CSMD2: variants seen among roughly 807,000 people sequenced by gnomAD.
The protein encoded by CSMD2 is CUB and sushi domain-containing protein 2.
CSMD2 carries 130 observed loss-of-function variants against 398.5 expected under a neutral mutation model. That is an observed-to-expected ratio of 0.33 (90% CI 0.28 to 0.38). The LOEUF is 0.38. Ranked by LOEUF, CSMD2 falls within the 10% of genes least tolerant of loss-of-function variation. CSMD2 has a pLI of 1.00. For synonymous variants in CSMD2, 1,828 were observed against 1,908.5 expected (o/e 0.96, Z 1.10); for missense variants, 3,829 against 4,764.9 (o/e 0.80, Z 5.78).
intron 9 of CSMD2, among the ~76,000 whole-genome samples, chr1:33,811,768 T>A (rs1288393482): frequency 6.6e-6 from 1 of 152,238 alleles, no homozygotes; most frequent in Non-Finnish European, 1.5e-5. Flanking sequence ...TAAAAATGTG[T>A]GCTTAGTTCT....
chr1:33,684,985 A>T (rs1645020693), intron 25 of CSMD2, among the ~76,000 whole-genome samples: 1 of 152,276 alleles, frequency 6.6e-6, no homozygotes, highest in South Asian at 2.1e-4. Context: ...AAAGCAAAGC[A>T]AAATTGATTT....
intron 3 of CSMD2, among the ~76,000 whole-genome samples, chr1:34,031,902 G>T (rs1190039744): frequency 6.6e-6 from 1 of 151,870 alleles, no homozygotes; most frequent in Non-Finnish European, 1.5e-5. Context: ...TAACAGTGCA[G>T]GTCTTAGCCA....
chr1:33,833,157 C>T (rs1459995012), intron 6 of CSMD2, among the ~76,000 whole-genome samples: 25 of 55,374 alleles, frequency 4.5e-4, no homozygotes, highest in South Asian at 1.2e-3. Flanking sequence ...TTTATGAGGC[C>T]GCCTCATACC....
chr1:33,919,506 T>A (rs990369443), intron 4 of CSMD2, among the ~76,000 whole-genome samples: 1 of 152,250 alleles, frequency 6.6e-6, no homozygotes, highest in Non-Finnish European at 1.5e-5. Flanking sequence ...CATTTCTCAA[T>A]GCTAACTTCT....
At chr1:34,102,553 T>C (rs2148415251) in intron 1 of CSMD2, among the ~76,000 whole-genome samples, 1 of 151,974 alleles carries the variant, frequency 6.6e-6, no homozygotes, top group Non-Finnish European at 1.5e-5. Flanking sequence ...CTCATCCCTG[T>C]GATCCAACCA....
Position 34,011,413 on chromosome 1 carries a change from G to A in CSMD2, c.517+21181C>T, listed in dbSNP as rs568618614. Among the ~76,000 whole-genome samples the A allele has an allele frequency of 1.4e-4, 21 of 152,256 alleles. No individual in the cohort carries two copies. The South Asian group carries it at 3.1e-3, about 23-fold the overall frequency. ...CCATTTGCTCTGAGGTGAGGTAAACGTTGCAGTGTTTCCATCAAGATGGGA... is the reference window on the plus strand; with the variant it reads ...CCATTTGCTCTGAGGTGAGGTAAACATTGCAGTGTTTCCATCAAGATGGGA... On this transcript the variant is annotated intron_variant, in intron 3 of 70. Transcript: ENST00000373381.
In CSMD2 at chr1:34,164,811, G is replaced by C. The variant is rs1451589411; in HGVS notation, c.187+100C>G. ...AGGGTGGGAGATTCAGGCAGGGATA[G>C]AGGCGGGGGGAGGGACTGGGACCGG... is the stretch of plus-strand genomic sequence containing the variant. On this transcript the variant is annotated intron_variant, in intron 1 of 70. Transcript: ENST00000373381. The surrounding 1 kb of genome is among the most constrained non-coding windows in gnomAD (Gnocchi z 6.2). 2.9e-6 allele frequency: 3 copies of C among 1,029,716 alleles called. No individual in the cohort carries two copies. Among genetic ancestry groups the C allele is most frequent in the African/African-American group, 3.4e-5 (2 of 58,876 alleles). The allele number at this position is 1,029,716 out of a possible 1,614,324, so 63.8% of individuals were successfully genotyped here. A position where few individuals can be genotyped will look rare whatever the true frequency, so the allele number is the denominator to read the frequency against.
chr1:33,658,104 A>G lies in CSMD2; in HGVS notation c.4289T>C (p.Ile1430Thr). 6.2e-7 allele frequency: 1 copy of G among 1,614,116 alleles called. No homozygotes were observed. The highest frequency in any genetic ancestry group is 2.2e-5 in the East Asian group (1 of 44,886). ...ACCACTCCGACTCCCATTCTGCGGGATCCCAGGGTCATTGCAGGACGTTGC... is the reference window on the plus strand; with the variant it reads ...ACCACTCCGACTCCCATTCTGCGGGGTCCCAGGGTCATTGCAGGACGTTGC... ...STATSCNDPGIPQNGSRSGDS... is the reference protein window; with the variant it reads ...STATSCNDPGTPQNGSRSGDS... The change falls in exon 27 of 71, where the codon ATC (isoleucine) becomes ACC (threonine). Residue 1430 changes from isoleucine (I) to threonine (T), a missense_variant. By Grantham distance (89) the Ile-to-Thr change is moderately conservative. Transcript: ENST00000373381.
At chr1:33,858,954 G>T (rs1558013152) in intron 5 of CSMD2, among the ~76,000 whole-genome samples, 1 of 152,104 alleles carries the variant, frequency 6.6e-6, no homozygotes, top group Non-Finnish European at 1.5e-5. Flanking sequence ...GAGTGTGCAG[G>T]ATTGAATATA....
intron 22 of CSMD2, among the ~76,000 whole-genome samples, chr1:33,708,624 C>A (rs1645885994): frequency 5.5e-5 from 1 of 18,162 alleles, no homozygotes; most frequent in Admixed American, 5.3e-4. Flanking sequence ...TATTTTGAGA[C>A]AGGGTCTGAC....
chr1:33,584,117 CA>C (rs1452535323), intron 46 of CSMD2, among the ~76,000 whole-genome samples: 1 of 152,158 alleles, frequency 6.6e-6, no homozygotes, highest in Non-Finnish European at 1.5e-5. Flanking sequence ...GAGGATGGAA[CA>C]TACATACAGA....
intron 3 of CSMD2, among the ~76,000 whole-genome samples, chr1:34,029,025 G>A (rs528901501): frequency 2.6e-5 from 4 of 152,310 alleles, no homozygotes; most frequent in African/African-American, 9.6e-5. Context: ...GATCAAACTC[G>A]CTTTGATAGC....
chr1:33,742,774 T>A lies in CSMD2; in HGVS notation c.2173+506A>T, dbSNP rs946032255. On this transcript the variant is annotated intron_variant, in intron 14 of 70. Coordinates refer to ENST00000373381, the MANE Select transcript of CSMD2 (RefSeq NM_001281956.2). Reference sequence around the variant, plus strand: ...TAAGTCTGGGAGCCCAACAGAAGTGTTGCTCCAAAGCTTTGATTCTGATGT... The same window carrying A: ...TAAGTCTGGGAGCCCAACAGAAGTGATGCTCCAAAGCTTTGATTCTGATGT... 5.3e-5 allele frequency among the ~76,000 whole-genome samples: 8 copies of A among 152,066 alleles called. No homozygotes were observed. The South Asian group carries it at 1.7e-3, about 32-fold the overall frequency.
At chr1:33,858,626 G>A (rs1639267162) in intron 5 of CSMD2, among the ~76,000 whole-genome samples, 2 of 152,140 alleles carry the variant, frequency 1.3e-5, no homozygotes, top group African/African-American at 2.4e-5. Flanking sequence ...TTCCTGGCAC[G>A]AGGTCAGTGC....
chr1:34,018,085 T>C (rs1443440093), intron 3 of CSMD2, among the ~76,000 whole-genome samples: 1 of 152,240 alleles, frequency 6.6e-6, no homozygotes, highest in Admixed American at 6.5e-5. Context: ...CAACTGTTTC[T>C]TTTTTTATTT....
intron 3 of CSMD2, among the ~76,000 whole-genome samples, chr1:33,985,727 T>C (rs1476459207): frequency 6.6e-6 from 1 of 152,180 alleles, no homozygotes; most frequent in African/African-American, 2.4e-5. Context: ...TGCCTTTGTT[T>C]TCCCTGGCTG....
intron 3 of CSMD2, among the ~76,000 whole-genome samples, chr1:33,945,918 G>C (rs1644824704): frequency 6.6e-6 from 1 of 152,212 alleles, no homozygotes. Context: ...AATACTGTTA[G>C]TATTAGGCTT....
intron 5 of CSMD2, among the ~76,000 whole-genome samples, chr1:33,914,586 G>C (rs1643630907): frequency 6.6e-6 from 1 of 152,144 alleles, no homozygotes; most frequent in Non-Finnish European, 1.5e-5. Context: ...CTAGGGAATA[G>C]CTCAACATGT....
intron 40 of CSMD2, among the ~76,000 whole-genome samples, chr1:33,611,641 G>C (rs1641015444): frequency 6.6e-6 from 1 of 152,120 alleles, no homozygotes; most frequent in Non-Finnish European, 1.5e-5. Context: ...TTAATCAAAA[G>C]ACAAGACCTT....
Sources: allele counts gnomAD v4.1 joint callset (sites outside exome capture counted in the v4.1 genomes callset), GRCh38; gene constraint gnomAD v4.1.1; non-coding constraint Gnocchi (gnomAD v3.1); transcripts MANE v1.5; gene names NCBI Gene and HGNC (gene_info 2026-07-23, HGNC 2026-07-21).